The following TANC1 variants were observed in gnomAD, a reference collection of about 807,000 sequenced individuals.
TANC1 encodes the protein tetratricopeptide repeat, ankyrin repeat and coiled-coil containing 1.
A neutral mutation model predicts 149.7 loss-of-function variants in TANC1; 77 were observed. That is an observed-to-expected ratio of 0.51 (90% CI 0.43 to 0.62). TANC1 has a LOEUF of 0.62. Ranked by LOEUF, TANC1 falls within the 20% of genes least tolerant of loss-of-function variation. TANC1 has a pLI of 0.00. For missense variants in TANC1, 1,985 were observed against 2,321.8 expected, an observed-to-expected ratio of 0.85 and a Z score of 2.98; for synonymous variants, 854 against 925.0, an observed-to-expected ratio of 0.92 and a Z score of 1.39.
At chr2:159,167,694 G>T (rs998576660) in intron 8 of TANC1, among the ~76,000 whole-genome samples, 1 of 152,200 alleles carries the variant, frequency 6.6e-6, no homozygotes, top group African/African-American at 2.4e-5. Context: ...GGCAGGGCAC[G>T]TGTTGGATTG....
intron 2 of TANC1, among the ~76,000 whole-genome samples, chr2:159,041,818 T>C (rs752621489): frequency 7.9e-5 from 12 of 152,210 alleles, no homozygotes; most frequent in East Asian, 1.9e-4. Flanking sequence ...CCAGCTGAGA[T>C]GAACCAGGCA....
chr2:159,183,094 C>A (rs1250441817), intron 14 of TANC1, among the ~76,000 whole-genome samples: 1 of 152,154 alleles, frequency 6.6e-6, no homozygotes, highest in Admixed American at 6.5e-5. Context: ...CCTACTATAG[C>A]AGTCAGGAGT....
At chr2:159,228,691 G>T in intron 25 of TANC1, 105 bp from the exon 26 acceptor site, 1 of 748,902 alleles carries the variant, frequency 1.3e-6, no homozygotes. Flanking sequence ...CTCCCTCTCT[G>T]GCTGTGCCTC....
chr2:159,209,530 A>T (rs1452995080), intron 19 of TANC1, among the ~76,000 whole-genome samples: 2 of 152,094 alleles, frequency 1.3e-5, no homozygotes, highest in African/African-American at 4.8e-5. Flanking sequence ...CAGCCAGGGA[A>T]TGTGGGGGCC....
intron 1 of TANC1, among the ~76,000 whole-genome samples, chr2:158,986,415 C>T (rs1657498919): frequency 6.6e-6 from 1 of 152,136 alleles, no homozygotes; most frequent in Admixed American, 6.5e-5. Context: ...ATTTGGCATT[C>T]CTGTGGAAAC....
At position 158,981,542 on chromosome 2, in the gene TANC1, T is replaced by G. The variant is rs72432572; in HGVS notation, c.-126+12760T>G. Among the ~76,000 whole-genome samples, 21 of 88,392 alleles carry G rather than the reference T, an allele frequency of 2.4e-4. 1 individual carries two copies. The highest frequency in any genetic ancestry group is 8.3e-4 in the African/African-American group (21 of 25,154). The allele number at this position is 88,392 out of a possible 152,430, so 58.0% of individuals were successfully genotyped here. A position where few individuals can be genotyped will look rare whatever the true frequency, so the allele number is the denominator to read the frequency against. ...ATATATATATATATATATATATATA[T>G]AAAGAAGTAACAGCTTAGAGTTTAA... On this transcript the variant is annotated intron_variant, in intron 1 of 26. Transcript: ENST00000263635.
chr2:159,034,258 T>C (rs2040007021), intron 2 of TANC1, among the ~76,000 whole-genome samples: 1 of 152,168 alleles, frequency 6.6e-6, no homozygotes, highest in Non-Finnish European at 1.5e-5. Flanking sequence ...CCAGCGATCA[T>C]CACCTACAAA....
chr2:159,219,968 T>A, intron 22 of TANC1, 101 bp downstream of exon 22: 1 of 1,061,160 alleles, frequency 9.4e-7, no homozygotes, highest in Non-Finnish European at 1.4e-6. Flanking sequence ...TGTCTCAGTG[T>A]CATCAGAGAG....
intron 2 of TANC1, among the ~76,000 whole-genome samples, chr2:159,050,322 A>G (rs147379555): frequency 6.6e-4 from 101 of 152,316 alleles, no homozygotes; most frequent in Non-Finnish European, 5.7e-4. Context: ...CCTGGACTCA[A>G]GTGATTCTCC....
intron 5 of TANC1, among the ~76,000 whole-genome samples, chr2:159,143,551 C>CAAAAAAAAAA (rs56992262): frequency 1.8e-4 from 12 of 67,298 alleles, no homozygotes; most frequent in Non-Finnish European, 2.5e-4. Context: ...GACCCCATCT[C>CAAAAAAAAAA]AAAAAAAAAA....
chr2:159,110,749 C>T (rs1319788371), intron 4 of TANC1, among the ~76,000 whole-genome samples: 4 of 152,214 alleles, frequency 2.6e-5, no homozygotes, highest in Non-Finnish European at 5.9e-5. Flanking sequence ...AGCCCATCTT[C>T]AGCTTCCCTC....
intron 11 of TANC1, among the ~76,000 whole-genome samples, chr2:159,174,385 C>T (rs1452896966): frequency 3.9e-5 from 6 of 152,100 alleles, no homozygotes; most frequent in African/African-American, 9.7e-5. Context: ...ATTCTTCAGA[C>T]AGTGCCCCTG....
intron 19 of TANC1, among the ~76,000 whole-genome samples, chr2:159,202,566 C>T (rs2058322715): frequency 6.6e-6 from 1 of 152,140 alleles, no homozygotes; most frequent in Admixed American, 6.5e-5. Flanking sequence ...AGCTCTCAAG[C>T]TCTCCCTCTC....
At chr2:158,986,190 A>G in intron 1 of TANC1, among the ~76,000 whole-genome samples, 1 of 152,240 alleles carries the variant, frequency 6.6e-6, no homozygotes, top group East Asian at 1.9e-4. Context: ...ACAAGACGGA[A>G]TGAGAACATG....
chr2:159,140,793 C>T (rs983058765), intron 5 of TANC1, among the ~76,000 whole-genome samples: 12 of 148,764 alleles, frequency 8.1e-5, no homozygotes, highest in African/African-American at 3.0e-4. Flanking sequence ...TGGGTTCAAG[C>T]GATTCTTTTG....
chr2:159,170,487 T>C (rs1384936416), intron 9 of TANC1, 37 bp from the exon 10 acceptor site: 2 of 1,547,960 alleles, frequency 1.3e-6, no homozygotes, highest in East Asian at 4.5e-5. Context: ...TATAAAATTA[T>C]GACATTTTTC....
intron 2 of TANC1, among the ~76,000 whole-genome samples, chr2:159,037,094 A>G (rs1228377565): frequency 6.6e-6 from 1 of 152,226 alleles, no homozygotes; most frequent in African/African-American, 2.4e-5. Context: ...TTTGATTTGC[A>G]TTTCTCTGAT....
intron 2 of TANC1, among the ~76,000 whole-genome samples, chr2:159,013,176 C>T (rs2037938244): frequency 6.6e-6 from 1 of 152,108 alleles, no homozygotes; most frequent in Non-Finnish European, 1.5e-5. Context: ...ATAATTGGAG[C>T]ATAAAATGTT....
chr2:159,024,477 G>A (rs992378596), intron 2 of TANC1, among the ~76,000 whole-genome samples: 1 of 152,138 alleles, frequency 6.6e-6, no homozygotes, highest in Non-Finnish European at 1.5e-5. Context: ...AGGCATGGGC[G>A]CAGTGGCTCA....
Sources: allele counts gnomAD v4.1 joint callset (sites outside exome capture counted in the v4.1 genomes callset), GRCh38; gene constraint gnomAD v4.1.1; transcripts MANE v1.5; gene names NCBI Gene and HGNC (gene_info 2026-07-23, HGNC 2026-07-21).